The following EPHA6 variants were observed in gnomAD, a reference collection of about 807,000 sequenced individuals.
The protein encoded by EPHA6 is ephrin type-A receptor 6.
A neutral mutation model predicts 112.0 loss-of-function variants in EPHA6; 50 were observed. The observed-to-expected ratio is 0.45, with a 90% confidence interval of 0.36 to 0.56. The LOEUF (loss-of-function observed/expected upper bound fraction) is 0.56, where lower values mean the gene tolerates loss of function less well. Ranked by LOEUF, EPHA6 falls within the 20% of genes least tolerant of loss-of-function variation. The pLI is 0.00. For synonymous variants in EPHA6, 529 were observed against 490.7 expected (o/e 1.08, Z -1.03); for missense variants, 1,280 against 1,417.4 (o/e 0.90, Z 1.56).
At position 97,324,685 on chromosome 3, in the gene EPHA6, T is replaced by C. The variant is rs531612559; in HGVS notation, c.1606+80398T>C. On this transcript the variant is annotated intron_variant, in intron 5 of 17. Transcript: ENST00000389672. Reference sequence around the variant, plus strand: ...TCCTAAGTAGCTGGGATTATAGGCATCTGCCACCACGCCCAGCTCATTTTT... The same window carrying C: ...TCCTAAGTAGCTGGGATTATAGGCACCTGCCACCACGCCCAGCTCATTTTT... Among the ~76,000 whole-genome samples the C allele has an allele frequency of 9.2e-5, 14 of 151,828 alleles. No individual in the cohort carries two copies. The South Asian group carries it at 2.7e-3, about 29-fold the overall frequency.
At chr3:96,883,890 T>C (rs1217677433) in intron 2 of EPHA6, among the ~76,000 whole-genome samples, 1 of 152,152 alleles carries the variant, frequency 6.6e-6, no homozygotes, top group African/African-American at 2.4e-5. Flanking sequence ...CAGGCTGGTC[T>C]TGAACTCCTG....
intron 2 of EPHA6, among the ~76,000 whole-genome samples, chr3:96,929,955 T>C (rs2040228432): frequency 6.6e-6 from 1 of 152,224 alleles, no homozygotes; most frequent in Admixed American, 6.5e-5. Context: ...CTGCTTCTCT[T>C]ATTTTAGAAA....
At chr3:97,272,940 G>C (rs1450474570) in intron 5 of EPHA6, among the ~76,000 whole-genome samples, 1 of 152,088 alleles carries the variant, frequency 6.6e-6, no homozygotes, top group Non-Finnish European at 1.5e-5. Context: ...TTGGGGGGTG[G>C]TATGGAGAGA....
chr3:97,109,294 C>T (rs149323686), intron 3 of EPHA6, among the ~76,000 whole-genome samples: 1 of 152,076 alleles, frequency 6.6e-6, no homozygotes, highest in South Asian at 2.1e-4. Flanking sequence ...TTTTTATAGA[C>T]ATGCATGACC....
chr3:96,860,483 C>G (rs1473161469), intron 1 of EPHA6, among the ~76,000 whole-genome samples: 1 of 151,978 alleles, frequency 6.6e-6, no homozygotes, highest in Non-Finnish European at 1.5e-5. Flanking sequence ...GTTATAATCT[C>G]TTTTATCAGG....
rs1338242539 is a variant in EPHA6, at chr3:97,750,927, T to C, written c.*2226T>C. 6.6e-6 allele frequency among the ~76,000 whole-genome samples: 1 copy of C among 152,164 alleles called. No homozygotes were observed. Among genetic ancestry groups the C allele is most frequent in the African/African-American group, 2.4e-5 (1 of 41,446 alleles). On this transcript the variant is annotated 3_prime_UTR_variant, in exon 18 of 18. Transcript: ENST00000389672. ...ATTTTCCAGCCATCAACCTGCATGG[T>C]TGTGCATCACTCATAGACTATCTGC...
intron 15 of EPHA6, among the ~76,000 whole-genome samples, chr3:97,721,462 T>G (rs535948184): frequency 6.6e-6 from 1 of 152,316 alleles, no homozygotes; most frequent in East Asian, 1.9e-4. Context: ...AGTACTGCTT[T>G]TGAAGCTGAC....
intron 2 of EPHA6, among the ~76,000 whole-genome samples, chr3:96,885,131 G>C (rs1048759514): frequency 6.6e-6 from 1 of 152,100 alleles, no homozygotes; most frequent in Non-Finnish European, 1.5e-5. Flanking sequence ...TTAGCTAGTA[G>C]TTTGTTAAGG....
At position 97,535,344 on chromosome 3, in the gene EPHA6, G is replaced by C. The variant is rs141617602; in HGVS notation, c.2386+2801G>C. On this transcript the variant is annotated intron_variant, in intron 11 of 17. Coordinates refer to ENST00000389672, the MANE Select transcript of EPHA6 (RefSeq NM_001080448.3). ...GAAATAAAATAAAAATCTCATATCT[G>C]TTATAGGAAAACGGATTGAGAAAGG... Among the ~76,000 whole-genome samples, 629 of 152,122 alleles carry C rather than the reference G, an allele frequency of 4.1e-3. 5 individuals carry two copies. The highest frequency in any genetic ancestry group is 0.014 in the African/African-American group (561 of 41,510).
At chr3:97,143,126 G>C (rs921304216) in intron 3 of EPHA6, among the ~76,000 whole-genome samples, 1 of 151,472 alleles carries the variant, frequency 6.6e-6, no homozygotes, top group Non-Finnish European at 1.5e-5. Flanking sequence ...TAATTTTCAA[G>C]CTGAGAACCA....
At chr3:96,838,342 T>C (rs984187945) in intron 1 of EPHA6, among the ~76,000 whole-genome samples, 1 of 152,166 alleles carries the variant, frequency 6.6e-6, no homozygotes, top group East Asian at 1.9e-4. Flanking sequence ...CCATTGTGAA[T>C]AGTGCTTCAG....
At chr3:97,371,562 C>T (rs537461036) in intron 5 of EPHA6, among the ~76,000 whole-genome samples, 86 of 152,158 alleles carry the variant, frequency 5.7e-4, no homozygotes, top group African/African-American at 9.2e-4. Flanking sequence ...CGCCTCAGGA[C>T]GCTGTGATGA....
At chr3:97,744,043 T>C (rs1260168582) in intron 16 of EPHA6, among the ~76,000 whole-genome samples, 7 of 151,976 alleles carry the variant, frequency 4.6e-5, no homozygotes. Context: ...TTTTATTGTA[T>C]TGAAATTTTA....
chr3:97,620,065 A>G (rs1389897236), intron 13 of EPHA6, among the ~76,000 whole-genome samples: 1 of 152,136 alleles, frequency 6.6e-6, no homozygotes, highest in Non-Finnish European at 1.5e-5. Context: ...GTACAAGAAC[A>G]GACACATAGA....
chr3:97,380,764 T>G (rs993710352), intron 5 of EPHA6, among the ~76,000 whole-genome samples: 12 of 152,278 alleles, frequency 7.9e-5, no homozygotes, highest in Middle Eastern at 3.4e-3. Flanking sequence ...TAGCCAAATA[T>G]CCATCTTAAT....
intron 15 of EPHA6, among the ~76,000 whole-genome samples, chr3:97,722,157 T>G (rs1330515906): frequency 6.6e-6 from 1 of 152,204 alleles, no homozygotes; most frequent in Non-Finnish European, 1.5e-5. Context: ...CCCAGCAGAC[T>G]TAAATCAGAG....
chr3:97,735,861 G>T, intron 15 of EPHA6, 64 bp from the exon 16 acceptor site: 7 of 1,262,724 alleles, frequency 5.5e-6, no homozygotes, highest in Non-Finnish European at 7.4e-6. Context: ...TGTAAAAAAA[G>T]AAATTATAGC....
In EPHA6 at chr3:97,479,331, G is replaced by A. The variant is rs2091464886; in HGVS notation, c.2041G>A (p.Glu681Lys). 6.2e-7 allele frequency: 1 copy of A among 1,603,866 alleles called. No homozygotes were observed. Among genetic ancestry groups the A allele is most frequent in the African/African-American group, 1.3e-5 (1 of 74,124 alleles). The part of the protein sequence containing the change: ...WYIKAKMKSE[E>K]KRRNHLQNGH... ...CATAAAAGCCAAGATGAAGTCAGAA[G>A]AGAAGAGAAGAAACCACTTACAGAA... Residue 681 changes from glutamate (E) to lysine (K), a missense_variant, in exon 9 of 18, where the codon GAG (glutamate) becomes AAG (lysine). Coordinates refer to ENST00000389672, the MANE Select transcript of EPHA6 (RefSeq NM_001080448.3).
intron 15 of EPHA6, among the ~76,000 whole-genome samples, chr3:97,729,490 T>C (rs1293361622): frequency 6.6e-6 from 1 of 151,952 alleles, no homozygotes; most frequent in Non-Finnish European, 1.5e-5. Flanking sequence ...CCATCAGATC[T>C]CATGGGACTT....
Sources: gnomAD v4.1 joint callset for allele counts (sites outside exome capture counted in the v4.1 genomes callset) on GRCh38, gnomAD v4.1.1 for gene constraint, MANE v1.5 for transcripts, NCBI Gene and HGNC (gene_info 2026-07-23, HGNC 2026-07-21) for gene names.